Variants in MAMDC4 observed in about 807,000 individuals in gnomAD.
MAMDC4 encodes the protein apical endosomal glycoprotein.
In MAMDC4, 168 loss-of-function variants were observed where a neutral mutation model predicts 153.3. The ratio of observed to expected loss-of-function variants is 1.10; its 90% CI spans 0.97 to 1.25. The LOEUF (loss-of-function observed/expected upper bound fraction) is 1.25. Among genes scored for constraint, MAMDC4 ranks in the 50% most tolerant of loss-of-function variants. The pLI, the probability that MAMDC4 is intolerant of heterozygous loss-of-function variation, is 0.00. For synonymous variants in MAMDC4, 744 were observed against 651.5 expected (o/e 1.14, Z -2.16); for missense variants, 1,701 against 1,542.8 (o/e 1.10, Z -1.72).
At chr9:136,856,681 T>A (rs1169267295) in intron 14 of MAMDC4, 29 bp from the exon 15 acceptor site, 1 of 1,600,196 alleles carries the variant, frequency 6.2e-7, no homozygotes, top group Non-Finnish European at 8.6e-7. Context: ...GGGGAGAAGG[T>A]GTGTGACGCC....
rs1215613471 is a variant in MAMDC4 at position 136,858,718 on chromosome 9, G to C, written c.2822-1G>C. 6.2e-7 allele frequency: 1 copy of C among 1,611,996 alleles called. No individual in the cohort carries two copies. Among genetic ancestry groups the C allele is most frequent in the Non-Finnish European group, 8.5e-7 (1 of 1,179,736 alleles). On this transcript the variant is annotated splice_acceptor_variant, in intron 22 of 26. Transcript: ENST00000317446. LOFTEE classifies it high-confidence loss of function. ...GGGCATCAGCCTCCTCTTGTTCCCA[G>C]GCCACTTTGCCTTCTTTGAAACTGG... is the stretch of plus-strand genomic sequence containing the variant.
Position 136,855,487 on chromosome 9 carries a change from C to T in MAMDC4, c.1339C>T (p.Leu447=), listed in dbSNP as rs1238312395. Residue 447 remains leucine (L), a synonymous_variant, in exon 12 of 27, where the codon CTG becomes TTG. Coordinates refer to ENST00000317446, the MANE Select transcript of MAMDC4 (RefSeq NM_206920.3). Reference sequence around the variant, plus strand: ...GCCCCGGGCCCCAGCCCCCCAGCCCCTGCCGCCCAGCTCGCGGCTCCAGGA... The same window carrying T: ...GCCCCGGGCCCCAGCCCCCCAGCCCTTGCCGCCCAGCTCGCGGCTCCAGGA... The part of the protein sequence containing the change: ...PGPRAPAPQP[L]PPSSRLQDSC... The T allele has an allele frequency of 6.2e-7, 1 of 1,601,970 alleles. No homozygotes were observed. Among genetic ancestry groups the T allele is most frequent in the Non-Finnish European group, 8.5e-7 (1 of 1,174,778 alleles).
Position 136,858,479 on chromosome 9 carries a change from G to A in MAMDC4, c.2754G>A (p.Trp918Ter). Residue 918 changes from tryptophan (W) to a stop codon, truncating the protein, a stop_gained, in exon 22 of 27, where the codon TGG becomes TGA. Coordinates refer to ENST00000317446, the MANE Select transcript of MAMDC4 (RefSeq NM_206920.3). LOFTEE classifies it high-confidence loss of function. Reference protein sequence around the residue: ...WPGLGGYSWDWGGGATPSRYP... With the variant: ...WPGLGGYSWD ...GCCTGGGCGGATACAGCTGGGACTG[G>A]GGCGGGGGAGCCACCCCCTCTCGTT... 3 of 1,608,970 alleles carry A rather than the reference G, an allele frequency of 1.9e-6. No homozygotes were observed. The highest frequency in any genetic ancestry group is 1.7e-5 in the Admixed American group (1 of 59,848).
chr9:136,856,526 C>T (rs750997232), intron 14 of MAMDC4, 184 bp from the exon 15 acceptor site: 18 of 795,780 alleles, frequency 2.3e-5, no homozygotes, highest in Admixed American at 6.8e-5. Flanking sequence ...GGGTGGACAA[C>T]GTGACCCTGA....
intron 11 of MAMDC4, 39 bp from the exon 12 acceptor site, chr9:136,855,392 C>A (rs1335106533): frequency 6.2e-7 from 1 of 1,602,214 alleles, no homozygotes; most frequent in Admixed American, 1.7e-5. Context: ...GCACAGCACT[C>A]CCCATCCCTG....
chr9:136,854,832 A>AGGCAC lies in MAMDC4; in HGVS notation c.1006_1010dup (p.Ser338AlafsTer13). The AGGCAC allele has an allele frequency of 6.2e-7, 1 of 1,612,688 alleles. No homozygotes were observed. Among genetic ancestry groups the AGGCAC allele is most frequent in the Non-Finnish European group, 8.5e-7 (1 of 1,179,820 alleles). ...TCTCCAGCCCCGAATTCCAAGCCTC[A>AGGCAC]GGCACCTCCAACTGCTCGGTGAGAT... On this transcript the variant is annotated frameshift_variant, in exon 9 of 27. Transcript: ENST00000317446. LOFTEE classifies it high-confidence loss of function.
chr9:136,852,476 T>A lies in MAMDC4; in HGVS notation c.46+14T>A. On this transcript the variant is annotated intron_variant, in intron 1 of 26. Coordinates refer to ENST00000317446, the MANE Select transcript of MAMDC4 (RefSeq NM_206920.3). ...TCCTGTTCCTGGGTAAGTAGTCTGG[T>A]CCCACTCCTGAGGCAGGACCAGGGG... 6.2e-7 allele frequency: 1 copy of A among 1,608,904 alleles called. No individual in the cohort carries two copies. The highest frequency in any genetic ancestry group is 2.2e-5 in the East Asian group (1 of 44,884).
Position 136,857,444 on chromosome 9 carries a change from C to T in MAMDC4, c.2184C>T (p.Cys728=). 1.9e-6 allele frequency: 3 copies of T among 1,608,416 alleles called. No individual in the cohort carries two copies. The highest frequency in any genetic ancestry group is 1.7e-6 in the Non-Finnish European group (2 of 1,179,904). ...ATGTGGCCGTGCGGCCGGGCCCCTGCTGGGCCCCTAATTACTGCTCCTTTG... is the reference window on the plus strand; with the variant it reads ...ATGTGGCCGTGCGGCCGGGCCCCTGTTGGGCCCCTAATTACTGCTCCTTTG... ...LDDVAVRPGP[C]WAPNYCSFED... The change falls in exon 18 of 27, where the codon TGC becomes TGT. Residue 728 remains cysteine (C), a synonymous_variant. Coordinates refer to ENST00000317446, the MANE Select transcript of MAMDC4 (RefSeq NM_206920.3).
chr9:136,856,926 C>T lies in MAMDC4; in HGVS notation c.1857C>T (p.Asp619=), dbSNP rs1009784631. Residue 619 remains aspartate, a synonymous_variant, in exon 16 of 27, where the codon GAC becomes GAT. Coordinates refer to ENST00000317446, the MANE Select transcript of MAMDC4 (RefSeq NM_206920.3). ...TTGQGHFVLL[D]PTDPLAWGHS... Reference sequence around the variant, plus strand: ...CTGCAGGCCACTTTGTGCTCCTGGACCCCACAGACCCCCTGGCCTGGGGCC... The same window carrying T: ...CTGCAGGCCACTTTGTGCTCCTGGATCCCACAGACCCCCTGGCCTGGGGCC... The T allele has an allele frequency of 2.5e-6, 4 of 1,609,428 alleles. No homozygotes were observed. Among genetic ancestry groups the T allele is most frequent in the Non-Finnish European group, 3.4e-6 (4 of 1,177,560 alleles).
In MAMDC4 at chr9:136,856,792, C is replaced by T. The variant is rs760095857; in HGVS notation, c.1803C>T (p.Ser601=). Residue 601 remains serine (S), a synonymous_variant, in exon 15 of 27, where the codon AGC becomes AGT. Coordinates refer to ENST00000317446, the MANE Select transcript of MAMDC4 (RefSeq NM_206920.3). The part of the protein sequence containing the change: ...LSDTHWRWVE[S]RGPDHDHTTG... Reference sequence around the variant, plus strand: ...ACACACACTGGCGCTGGGTGGAGAGCCGCGGCCCTGACCACGACCACACCA... The same window carrying T: ...ACACACACTGGCGCTGGGTGGAGAGTCGCGGCCCTGACCACGACCACACCA... 6.2e-7 allele frequency: 1 copy of T among 1,611,374 alleles called. No individual in the cohort carries two copies. The highest frequency in any genetic ancestry group is 8.5e-7 in the Non-Finnish European group (1 of 1,179,312).
Position 136,857,491 on chromosome 9 carries a change from C to T in MAMDC4, c.2231C>T (p.Ser744Phe), listed in dbSNP as rs776665084. Residue 744 changes from serine to phenylalanine, a missense_variant, in exon 18 of 27, where the codon TCC becomes TTC. By Grantham distance (155) the Ser-to-Phe change is radical. Transcript: ENST00000317446. ...CSFEDSDCGF[S>F]PGGQGLWRRQ... ...TTTGAGGACTCAGACTGCGGCTTCT[C>T]CCCTGGAGGCCAAGGTCTCTGGAGG... 18 of 1,609,738 alleles carry T rather than the reference C, an allele frequency of 1.1e-5. No individual in the cohort carries two copies. In the South Asian group the frequency reaches 1.6e-4, roughly 15 times the overall value.
chr9:136,857,443 G>A lies in MAMDC4; in HGVS notation c.2183G>A (p.Cys728Tyr). 1.2e-6 allele frequency: 2 copies of A among 1,608,342 alleles called. No homozygotes were observed. The highest frequency in any genetic ancestry group is 1.7e-6 in the Non-Finnish European group (2 of 1,179,904). The change falls in exon 18 of 27, where the codon TGC becomes TAC. Residue 728 changes from cysteine to tyrosine, a missense_variant. Physicochemically the swap from Cys to Tyr is radical, Grantham distance 194. Transcript: ENST00000317446. Reference sequence around the variant, plus strand: ...GATGTGGCCGTGCGGCCGGGCCCCTGCTGGGCCCCTAATTACTGCTCCTTT... The same window carrying A: ...GATGTGGCCGTGCGGCCGGGCCCCTACTGGGCCCCTAATTACTGCTCCTTT... The part of the protein sequence containing the change: ...LDDVAVRPGP[C>Y]WAPNYCSFED...
rs1301883504 is a variant in MAMDC4 at position 136,854,295 on chromosome 9, A to G, written c.755A>G (p.Asp252Gly). ...VEPQQLCDGE[D>G]NCGDLSDENP... ...CCCCAGCAGCTGTGCGACGGGGAAGACAACTGCGGGGACCTGTCTGATGAG... is the reference window on the plus strand; with the variant it reads ...CCCCAGCAGCTGTGCGACGGGGAAGGCAACTGCGGGGACCTGTCTGATGAG... The change falls in exon 7 of 27, where the codon GAC becomes GGC. Residue 252 changes from aspartate to glycine, a missense_variant. Transcript: ENST00000317446. 6.2e-7 allele frequency: 1 copy of G among 1,601,822 alleles called. No homozygotes were observed. Among genetic ancestry groups the G allele is most frequent in the Non-Finnish European group, 8.5e-7 (1 of 1,174,896 alleles).
In MAMDC4 at chr9:136,854,220, C is replaced by A; in HGVS notation, c.680C>A (p.Ala227Asp). Residue 227 changes from alanine to aspartate, a missense_variant, in exon 7 of 27, where the codon GCC becomes GAC. Physicochemically the swap from Ala to Asp is moderately radical, Grantham distance 126. Transcript: ENST00000317446. ...ACCCTGCCCCACCCAGCCCCCCAGGCCAACTGTCCCCCGGGACACCACCAC... is the reference window on the plus strand; with the variant it reads ...ACCCTGCCCCACCCAGCCCCCCAGGACAACTGTCCCCCGGGACACCACCAC... The part of the protein sequence containing the change: ...FWDCGLPTPQ[A>D]NCPPGHHHCQ... The A allele has an allele frequency of 6.2e-7, 1 of 1,612,202 alleles. No individual in the cohort carries two copies. The highest frequency in any genetic ancestry group is 8.5e-7 in the Non-Finnish European group (1 of 1,179,770).
At position 136,857,566 on chromosome 9, in the gene MAMDC4, A is replaced by T; in HGVS notation, c.2306A>T (p.His769Leu). 1.2e-6 allele frequency: 2 copies of T among 1,612,378 alleles called. No individual in the cohort carries two copies. Among genetic ancestry groups the T allele is most frequent in the Non-Finnish European group, 1.7e-6 (2 of 1,179,920 alleles). ...GCTGCCTGGGGCCCCCCAACAGACC[A>T]TACCACTGAGACAGCCCAAGGTATG... ...GHAAWGPPTD[H>L]TTETAQGHYM... is the part of the protein sequence containing the mutation. Residue 769 changes from histidine (H) to leucine (L), a missense_variant, in exon 18 of 27, where the codon CAT (histidine) becomes CTT (leucine). Physicochemically the swap from His to Leu is moderately conservative, Grantham distance 99. Transcript: ENST00000317446.
In MAMDC4 at chr9:136,852,519, A is replaced by G. The variant is rs188551790; in HGVS notation, c.46+57A>G. On this transcript the variant is annotated intron_variant, in intron 1 of 26. Coordinates refer to ENST00000317446, the MANE Select transcript of MAMDC4 (RefSeq NM_206920.3). ...ACCAGGGGCCCTGGCTTCTGAGCCT[A>G]CCATCTGTGTGGCAGTGACGGACAC... 4.5e-4 allele frequency: 718 copies of G among 1,584,418 alleles called. 2 individuals are homozygous for G. The African/African-American group carries it at 8.9e-3, about 20-fold the overall frequency.
At chr9:136,853,495 A>C in intron 3 of MAMDC4, 37 bp downstream of exon 3, 1 of 1,611,716 alleles carries the variant, frequency 6.2e-7, no homozygotes, top group Non-Finnish European at 8.5e-7. Flanking sequence ...CCCCTGTCCC[A>C]ATACCCTCCT....
rs367650331 is a variant in MAMDC4, at chr9:136,857,500, G to T, written c.2240G>T (p.Gly747Val). ...TCAGACTGCGGCTTCTCCCCTGGAG[G>T]CCAAGGTCTCTGGAGGCGGCAGGCC... ...EDSDCGFSPG[G>V]QGLWRRQANA... Residue 747 changes from glycine (G) to valine (V), a missense_variant, in exon 18 of 27, where the codon GGC (glycine) becomes GTC (valine). Gly to Val is a moderately radical substitution (Grantham distance 109). Transcript: ENST00000317446. 6.2e-7 allele frequency: 1 copy of T among 1,610,090 alleles called. No individual in the cohort carries two copies.
At chr9:136,856,447 C>T in intron 14 of MAMDC4, 1 of 783,394 alleles carries the variant, frequency 1.3e-6, no homozygotes, top group South Asian at 1.4e-5. Flanking sequence ...TCCTCCTCAT[C>T]CCCCTACCCC....
Sources: allele counts gnomAD v4.1 joint callset, GRCh38; gene constraint gnomAD v4.1.1; transcripts MANE v1.5; gene names NCBI Gene and HGNC (gene_info 2026-07-23, HGNC 2026-07-21).